ZNF341: variants seen among roughly 807,000 people sequenced by gnomAD.
The protein encoded by ZNF341 is zinc finger protein 341.
ZNF341 carries 52 observed loss-of-function variants against 87.7 expected under a neutral mutation model. The ratio of observed to expected loss-of-function variants is 0.59; its 90% CI spans 0.47 to 0.75. The LOEUF (loss-of-function observed/expected upper bound fraction) is 0.75, where lower values mean the gene tolerates loss of function less well. Ranked by LOEUF, ZNF341 falls within the 30% of genes least tolerant of loss-of-function variation. ZNF341 has a pLI of 0.00. For missense variants in ZNF341, 977 were observed against 1,145.9 expected (o/e 0.85, Z 2.13); for synonymous variants, 459 against 472.7 (o/e 0.97, Z 0.38).
chr20:33,787,216 T>A (rs1258470627), intron 12 of ZNF341: 2 of 142,622 alleles, frequency 1.4e-5, no homozygotes, highest in African/African-American at 2.6e-5. Context: ...GGTGTGCAGG[T>A]TGTATTTTTT....
Position 33,764,562 on chromosome 20 carries a change from T to TATATATATA in ZNF341, c.1223-2289_1223-2288insATATATATA, listed in dbSNP as rs1491532951. On this transcript the variant is annotated intron_variant, in intron 8 of 14. Transcript: ENST00000375200. ...GTATGTGTATATATATATATATATA[T>TATATATATA]TTTTTTTTTTTTTTTTTTTTTTTTT... Among the ~76,000 whole-genome samples the TATATATATA allele has an allele frequency of 4.7e-4, 19 of 40,346 alleles. No homozygotes were observed. In the East Asian group the frequency reaches 0.022, roughly 46 times the overall value. The allele number at this position is 40,346 out of a possible 152,430, so 26.5% of individuals were successfully genotyped here.
Position 33,791,284 on chromosome 20 carries a change from G to T in ZNF341, c.2332G>T (p.Asp778Tyr). The T allele has an allele frequency of 6.2e-7, 1 of 1,611,840 alleles. No individual in the cohort carries two copies. Among genetic ancestry groups the T allele is most frequent in the Non-Finnish European group, 8.5e-7 (1 of 1,179,590 alleles). The change falls in exon 15 of 15, where the codon GAC becomes TAC. Residue 778 changes from aspartate (D) to tyrosine (Y), a missense_variant. Around this residue, in one of 3 missense-constraint regions of ZNF341, gnomAD observed 221 missense variants for 212.7 expected, o/e 1.04. Transcript: ENST00000375200. Reference sequence around the variant, plus strand: ...CCCGCTGGGGCTGGAGGAGCTGAAGGACACAGGGGCTGGGCTGGTGCCCGA... The same window carrying T: ...CCCGCTGGGGCTGGAGGAGCTGAAGTACACAGGGGCTGGGCTGGTGCCCGA... ...PDPLGLEELK[D>Y]TGAGLVPEAV...
At chr20:33,742,292 G>C (rs2018818291) in intron 2 of ZNF341, among the ~76,000 whole-genome samples, 1 of 152,162 alleles carries the variant, frequency 6.6e-6, no homozygotes, top group African/African-American at 2.4e-5. Flanking sequence ...CGCCTCCCGG[G>C]TTCAAGCAAT....
chr20:33,758,876 A>C (rs1306912159), intron 7 of ZNF341, 70 bp downstream of exon 7: 16 of 1,371,248 alleles, frequency 1.2e-5, no homozygotes, highest in Non-Finnish European at 1.7e-5. Flanking sequence ...TGGAAGCGAG[A>C]CTCCCTTCTC....
At chr20:33,733,805 T>C (rs1363448612) in intron 1 of ZNF341, among the ~76,000 whole-genome samples, 3 of 152,186 alleles carry the variant, frequency 2.0e-5, no homozygotes, top group Admixed American at 6.5e-5. Context: ...CCCTGCAGTC[T>C]GGTAGAGGAG....
rs373741402 is a variant in ZNF341, at chr20:33,770,180, C to T, written c.1510C>T (p.Arg504Cys). Residue 504 changes from arginine to cysteine, a missense_variant, in exon 10 of 15, where the codon CGC becomes TGC. Physicochemically the swap from Arg to Cys is radical, Grantham distance 180 (BLOSUM62 -3). Transcript: ENST00000375200. Reference sequence around the variant, plus strand: ...GAGCCACCAGGAGGAGCTGAGCTACCGCTGCCACCTCTGCGGCAAGGACTT... The same window carrying T: ...GAGCCACCAGGAGGAGCTGAGCTACTGCTGCCACCTCTGCGGCAAGGACTT... ...IKSHQEELSY[R>C]CHLCGKDFPS... 1.3e-5 allele frequency: 21 copies of T among 1,614,062 alleles called. No individual in the cohort carries two copies. The highest frequency in any genetic ancestry group is 5.3e-5 in the African/African-American group (4 of 74,924).
intron 5 of ZNF341, among the ~76,000 whole-genome samples, chr20:33,755,636 A>G (rs2019160854): frequency 1.5e-5 from 2 of 130,988 alleles, no homozygotes; most frequent in Non-Finnish European, 3.1e-5. Context: ...TCTGTCACCC[A>G]GGCTGGAGTG....
Position 33,757,138 on chromosome 20 carries a change from G to A in ZNF341, c.742-10G>A. 2.9e-6 allele frequency: 4 copies of A among 1,395,942 alleles called. No homozygotes were observed. The highest frequency in any genetic ancestry group is 3.8e-6 in the Non-Finnish European group (4 of 1,065,660). 86.5% of individuals were successfully genotyped at this position (1,395,942 alleles called of 1,614,324 possible). On this transcript the variant is annotated splice_polypyrimidine_tract_variant and intron_variant, in intron 5 of 14. Transcript: ENST00000375200. ...GCAGGGCTTTTTCCCTGACTGTGTT[G>A]TCCTCCTAGGTGCCAAACCAGTGTG... is the stretch of plus-strand genomic sequence containing the variant.
At chr20:33,774,644 T>C (rs2019594987) in intron 10 of ZNF341, among the ~76,000 whole-genome samples, 1 of 149,010 alleles carries the variant, frequency 6.7e-6, no homozygotes, top group Admixed American at 6.6e-5. Flanking sequence ...ACTGCACATG[T>C]GGTTTTATCA....
At chr20:33,770,355 T>G in intron 10 of ZNF341, 63 bp downstream of exon 10, 1 of 1,478,534 alleles carries the variant, frequency 6.8e-7, no homozygotes, top group Non-Finnish European at 9.4e-7. Context: ...GCCCAGGGCC[T>G]GTGGCCTTGG....
chr20:33,733,533 G>A (rs1483435997), intron 1 of ZNF341, among the ~76,000 whole-genome samples: 2 of 151,874 alleles, frequency 1.3e-5, no homozygotes, highest in African/African-American at 2.4e-5. Flanking sequence ...CACCGCGCCC[G>A]GCCATTTTTT....
chr20:33,753,814 G>C (rs2019112785), intron 5 of ZNF341, among the ~76,000 whole-genome samples: 2 of 152,200 alleles, frequency 1.3e-5, no homozygotes, highest in Non-Finnish European at 2.9e-5. Context: ...AGCTATTGCT[G>C]GGTAAGAAAT....
chr20:33,761,111 C>T (rs1181062293), intron 7 of ZNF341, among the ~76,000 whole-genome samples: 1 of 151,944 alleles, frequency 6.6e-6, no homozygotes, highest in Non-Finnish European at 1.5e-5. Context: ...CCTTCCGCCT[C>T]AGATTCCCAA....
rs958980694 is a variant in ZNF341, at chr20:33,788,879, A to G, written c.1869A>G (p.Lys623=). The change falls in exon 13 of 15, where the codon AAA becomes AAG. Residue 623 remains lysine (K), a synonymous_variant. Transcript: ENST00000375200. ...CTGCTGCAGGTGAGAAGCCCTACAA[A>G]TGCTCAGTGTGCGAGTCTGCGTTCA... is the stretch of plus-strand genomic sequence containing the variant. The part of the protein sequence containing the change: ...AHIHSGEKPY[K]CSVCESAFNR... 1.2e-6 allele frequency: 2 copies of G among 1,614,028 alleles called. No individual in the cohort carries two copies. The highest frequency in any genetic ancestry group is 1.7e-6 in the Non-Finnish European group (2 of 1,179,994).
chr20:33,732,108 C>CGCGCCCTCGCA lies in ZNF341; in HGVS notation c.31+63_31+73dup. 8.7e-7 allele frequency: 1 copy of CGCGCCCTCGCA among 1,152,994 alleles called. No homozygotes were observed. Among genetic ancestry groups the CGCGCCCTCGCA allele is most frequent in the South Asian group, 4.2e-5 (1 of 23,920 alleles). The allele number at this position is 1,152,994 out of a possible 1,614,324, so 71.4% of individuals were successfully genotyped here. A position where few individuals can be genotyped will look rare whatever the true frequency, so the allele number is the denominator to read the frequency against. ...TGTTCCGCGCTGCGCCCCCTCCCGC[C>CGCGCCCTCGCA]GCGCCCTCGCAGCGCCCGGCCTAGG... On this transcript the variant is annotated intron_variant, in intron 1 of 14. Transcript: ENST00000375200. This position sits in a 1 kb window ranked among gnomAD's most constrained non-coding sequence, Gnocchi z 4.5.
Position 33,770,031 on chromosome 20 carries a change from C to T in ZNF341, c.1414-53C>T, listed in dbSNP as rs1001159313. ...GGCCAATGCCACAGGCCAGGGGCTG[C>T]AGTGGAGGAAGCTCTCCTGCCTCCT... On this transcript the variant is annotated intron_variant, in intron 9 of 14. Coordinates refer to ENST00000375200, the MANE Select transcript of ZNF341 (RefSeq NM_001282933.2). 4 of 1,284,988 alleles carry T rather than the reference C, an allele frequency of 3.1e-6. No homozygotes were observed. The Admixed American group carries it at 5.4e-5, about 17-fold the overall frequency. 79.6% of individuals were successfully genotyped at this position (1,284,988 alleles called of 1,614,324 possible).
At chr20:33,770,842 T>A (rs1408737083) in intron 10 of ZNF341, among the ~76,000 whole-genome samples, 2 of 152,078 alleles carry the variant, frequency 1.3e-5, no homozygotes, top group Non-Finnish European at 2.9e-5. Flanking sequence ...AACAGTTGGC[T>A]GGGCGTGGTG....
At chr20:33,787,415 G>A (rs1224431076) in intron 12 of ZNF341, 1 of 152,168 alleles carries the variant, frequency 6.6e-6, no homozygotes, top group Non-Finnish European at 1.5e-5. Context: ...GCATTCTATT[G>A]TAGGGACCAG....
intron 4 of ZNF341, chr20:33,752,151 A>C: frequency 2.3e-6 from 1 of 440,578 alleles, no homozygotes; most frequent in Non-Finnish European, 4.4e-6. Flanking sequence ...TATTTGAGGT[A>C]TTTGATGATC....
Sources: gnomAD v4.1 joint callset for allele counts (sites outside exome capture counted in the v4.1 genomes callset) on GRCh38, gnomAD v4.1.1 for gene constraint, gnomAD v4.1.1 regional missense constraint, Gnocchi (gnomAD v3.1) non-coding constraint, MANE v1.5 for transcripts, NCBI Gene and HGNC (gene_info 2026-07-23, HGNC 2026-07-21) for gene names.